The following HECTD2 variants were observed in gnomAD, a reference collection of about 807,000 sequenced individuals.
The protein encoded by HECTD2 is HECT domain E3 ubiquitin protein ligase 2, also known as probable E3 ubiquitin-protein ligase HECTD2.
HECTD2 carries 35 observed loss-of-function variants against 103.2 expected under a neutral mutation model. The ratio of observed to expected loss-of-function variants is 0.34; its 90% CI spans 0.26 to 0.45. HECTD2 has a LOEUF of 0.45. Ranked by LOEUF, HECTD2 falls within the 20% of genes least tolerant of loss-of-function variation. The pLI is 1.00. For synonymous variants in HECTD2, 281 were observed against 329.9 expected, an observed-to-expected ratio of 0.85 and a Z score of 1.61; for missense variants, 596 against 937.4, an observed-to-expected ratio of 0.64 and a Z score of 4.76.
At chr10:91,419,097 T>C (rs1332060002) in intron 1 of HECTD2, among the ~76,000 whole-genome samples, 1 of 152,164 alleles carries the variant, frequency 6.6e-6, no homozygotes, top group African/African-American at 2.4e-5. Flanking sequence ...CACTTACTCC[T>C]TTTTTCAAGG....
intron 2 of HECTD2, among the ~76,000 whole-genome samples, chr10:91,430,935 G>A (rs1182697509): frequency 6.6e-6 from 1 of 150,854 alleles, no homozygotes; most frequent in African/African-American, 2.5e-5. Flanking sequence ...ATGTTAGCTG[G>A]TTATTTTGCT....
At chr10:91,409,433 T>C (rs1842826262), upstream of HECTD2, 1 of 152,300 alleles carries the variant, frequency 6.6e-6, no homozygotes, top group Non-Finnish European at 1.5e-5. Context: ...TATGTACATC[T>C]CTAACATAAA....
chr10:91,410,130 G>A (rs1842849200), upstream of HECTD2, among the ~76,000 whole-genome samples: 1 of 151,896 alleles, frequency 6.6e-6, no homozygotes, highest in Non-Finnish European at 1.5e-5. Flanking sequence ...CGGGCCCTCG[G>A]GGTTGACGAG....
At chr10:91,443,992 T>C (rs985411874) in intron 2 of HECTD2, among the ~76,000 whole-genome samples, 1 of 152,144 alleles carries the variant, frequency 6.6e-6, no homozygotes, top group Non-Finnish European at 1.5e-5. Flanking sequence ...TTGGTAATCT[T>C]TATGAAAGGG....
chr10:91,475,390 G>A (rs1845865405), intron 5 of HECTD2, among the ~76,000 whole-genome samples: 1 of 152,192 alleles, frequency 6.6e-6, no homozygotes, highest in African/African-American at 2.4e-5. Flanking sequence ...CATTTAATTA[G>A]ATGGATAAGG....
At chr10:91,429,075 T>A (rs1382996893) in intron 2 of HECTD2, among the ~76,000 whole-genome samples, 2 of 151,878 alleles carry the variant, frequency 1.3e-5, no homozygotes, top group Non-Finnish European at 2.9e-5. Flanking sequence ...TTATTGAGAG[T>A]TTTTAGCATG....
At chr10:91,412,418 A>C (rs960192597) in intron 1 of HECTD2, among the ~76,000 whole-genome samples, 1 of 152,014 alleles carries the variant, frequency 6.6e-6, no homozygotes, top group Non-Finnish European at 1.5e-5. Context: ...ATGAGTTGGA[A>C]TAGAAGAGGA....
intron 2 of HECTD2, among the ~76,000 whole-genome samples, chr10:91,429,229 C>G (rs1204256639): frequency 6.6e-6 from 1 of 151,966 alleles, no homozygotes; most frequent in Non-Finnish European, 1.5e-5. Flanking sequence ...GGATGAAGCC[C>G]ACTTGATCAT....
chr10:91,447,710 G>GC (rs1564711150), intron 2 of HECTD2, among the ~76,000 whole-genome samples: 2 of 77,622 alleles, frequency 2.6e-5, no homozygotes, highest in African/African-American at 7.1e-5. Flanking sequence ...AAAAAAAAAA[G>GC]AAAAAAAAAG....
intron 20 of HECTD2, among the ~76,000 whole-genome samples, chr10:91,511,427 AT>A (rs747193633): frequency 2.6e-5 from 4 of 152,164 alleles, no homozygotes; most frequent in Non-Finnish European, 5.9e-5. Flanking sequence ...CATTCATTAT[AT>A]TATCTACTCC....
chr10:91,431,547 C>A lies in HECTD2; in HGVS notation c.268+6137C>A, dbSNP rs947288602. 6.6e-5 allele frequency among the ~76,000 whole-genome samples: 10 copies of A among 152,022 alleles called. No homozygotes were observed. The South Asian group carries it at 1.9e-3, about 28-fold the overall frequency. On this transcript the variant is annotated intron_variant, in intron 2 of 20. Coordinates refer to ENST00000298068, the MANE Select transcript of HECTD2 (RefSeq NM_182765.6). ...AGACGCAGATTTGGTTTGTTCACAT[C>A]GTCCCATATTTCTTGGAGGCTTTGT... is the stretch of plus-strand genomic sequence containing the variant.
At chr10:91,420,478 A>C (rs1843310281) in intron 1 of HECTD2, among the ~76,000 whole-genome samples, 1 of 151,586 alleles carries the variant, frequency 6.6e-6, no homozygotes, top group Non-Finnish European at 1.5e-5. Context: ...AATCCCAGCT[A>C]CTCAGGAGGC....
At chr10:91,499,375 T>C (rs112531458) in intron 18 of HECTD2, among the ~76,000 whole-genome samples, 8 of 152,270 alleles carry the variant, frequency 5.3e-5, no homozygotes, top group African/African-American at 1.9e-4. Flanking sequence ...CTACTAAGTC[T>C]TTTAGAGCTT....
intron 1 of HECTD2, among the ~76,000 whole-genome samples, chr10:91,414,107 G>T (rs945754239): frequency 6.6e-6 from 1 of 152,160 alleles, no homozygotes; most frequent in Non-Finnish European, 1.5e-5. Context: ...GGATGAATTT[G>T]ACTGGCTACT....
At position 91,501,271 on chromosome 10, in the gene HECTD2, T is replaced by C. The variant is rs1411341043; in HGVS notation, c.2147T>C (p.Val716Ala). ...CATTTTACTACAGGGAGTGACAGAGTACCTGTAGGAGGGATGGCTGATTTG... is the reference window on the plus strand; with the variant it reads ...CATTTTACTACAGGGAGTGACAGAGCACCTGTAGGAGGGATGGCTGATTTG... The part of the protein sequence containing the change: ...LLHFTTGSDR[V>A]PVGGMADLNF... The change falls in exon 20 of 21, where the codon GTA becomes GCA. Residue 716 changes from valine (V) to alanine (A), a missense_variant. Transcript: ENST00000298068. 1.2e-6 allele frequency: 2 copies of C among 1,608,766 alleles called. No homozygotes were observed. Among genetic ancestry groups the C allele is most frequent in the African/African-American group, 2.7e-5 (2 of 74,804 alleles).
intron 1 of HECTD2, among the ~76,000 whole-genome samples, chr10:91,423,437 C>T (rs145217749): frequency 6.6e-6 from 1 of 152,246 alleles, no homozygotes; most frequent in East Asian, 1.9e-4. Context: ...CCAGACATTA[C>T]TGAGCTGAAA....
At chr10:91,414,326 G>T (rs983248087) in intron 1 of HECTD2, among the ~76,000 whole-genome samples, 2 of 152,184 alleles carry the variant, frequency 1.3e-5, no homozygotes, top group Non-Finnish European at 2.9e-5. Flanking sequence ...TGAGCATAAG[G>T]TGTGTCGAGA....
intron 1 of HECTD2, among the ~76,000 whole-genome samples, chr10:91,418,228 CT>C (rs1843210290): frequency 6.6e-6 from 1 of 152,036 alleles, no homozygotes; most frequent in Admixed American, 6.6e-5. Context: ...AGAATTTTGA[CT>C]GGATCAAATT....
intron 2 of HECTD2, among the ~76,000 whole-genome samples, chr10:91,452,566 C>T (rs1299644945): frequency 1.3e-5 from 2 of 151,902 alleles, no homozygotes; most frequent in Non-Finnish European, 2.9e-5. Flanking sequence ...TTAATGGATT[C>T]ATGGGTTATC....
Sources: gnomAD v4.1 joint callset for allele counts (sites outside exome capture counted in the v4.1 genomes callset) on GRCh38, gnomAD v4.1.1 for gene constraint, MANE v1.5 for transcripts, NCBI Gene and HGNC (gene_info 2026-07-23, HGNC 2026-07-21) for gene names.